MCTP1: variants seen among roughly 807,000 people sequenced by gnomAD.
MCTP1 encodes the protein multiple C2 and transmembrane domain-containing protein 1.
MCTP1 carries 69 observed loss-of-function variants against 120.6 expected under a neutral mutation model. The ratio of observed to expected loss-of-function variants is 0.57; its 90% CI spans 0.47 to 0.70. MCTP1 has a LOEUF of 0.70. MCTP1 is among the 30% of genes least tolerant of loss of function. The probability of loss-of-function intolerance (pLI) is 0.00; values close to 1 mark genes in which losing one functional copy is unlikely to be tolerated. For synonymous variants in MCTP1, 529 were observed against 493.1 expected (o/e 1.07, Z -0.96); for missense variants, 1,203 against 1,248.8 (o/e 0.96, Z 0.55).
At chr5:94,807,391 G>A (rs1782561953) in intron 17 of MCTP1, among the ~76,000 whole-genome samples, 1 of 152,200 alleles carries the variant, frequency 6.6e-6, no homozygotes, top group South Asian at 2.1e-4. Flanking sequence ...TGGCCTTAAA[G>A]AAGAGAGCTG....
chr5:95,124,057 G>A (rs574839519), intron 1 of MCTP1, among the ~76,000 whole-genome samples: 3 of 152,142 alleles, frequency 2.0e-5, no homozygotes, highest in African/African-American at 7.2e-5. Context: ...AGGGTAACAC[G>A]TACACATTTA....
At chr5:95,186,432 G>T (rs1361044260) in intron 1 of MCTP1, among the ~76,000 whole-genome samples, 1 of 151,934 alleles carries the variant, frequency 6.6e-6, no homozygotes, top group Non-Finnish European at 1.5e-5. Flanking sequence ...TCACTTCAAA[G>T]AAAATGAAAT....
At chr5:94,998,750 C>A (rs1833092185) in intron 2 of MCTP1, among the ~76,000 whole-genome samples, 1 of 152,148 alleles carries the variant, frequency 6.6e-6, no homozygotes, top group African/African-American at 2.4e-5. Context: ...GGGCCAAATT[C>A]CACTGCATTT....
chr5:95,125,871 G>A (rs1186659519), intron 1 of MCTP1, among the ~76,000 whole-genome samples: 2 of 152,074 alleles, frequency 1.3e-5, no homozygotes, highest in Non-Finnish European at 2.9e-5. Flanking sequence ...GACCTAATTT[G>A]TACATATCAA....
At chr5:94,837,812 C>T (rs1175082747) in intron 17 of MCTP1, among the ~76,000 whole-genome samples, 1 of 152,126 alleles carries the variant, frequency 6.6e-6, no homozygotes, top group African/African-American at 2.4e-5. Context: ...TACTAAGGCT[C>T]CCAGGTCAGA....
chr5:94,798,959 G>A (rs1439218890), intron 18 of MCTP1, 54 bp downstream of exon 18: 1 of 1,568,304 alleles, frequency 6.4e-7, no homozygotes, highest in African/African-American at 1.4e-5. Context: ...GATCTTGTCA[G>A]AGGGACTCAG....
intron 17 of MCTP1, among the ~76,000 whole-genome samples, chr5:94,864,265 G>A (rs984577725): frequency 4.6e-5 from 7 of 151,866 alleles, no homozygotes; most frequent in South Asian, 2.1e-4. Context: ...CAAACATGCC[G>A]TTTTTGGAAC....
At chr5:94,988,942 A>G (rs192811193) in intron 2 of MCTP1, among the ~76,000 whole-genome samples, 73 of 152,256 alleles carry the variant, frequency 4.8e-4, no homozygotes, top group African/African-American at 1.7e-3. Context: ...TATCATGAGA[A>G]CTGGATGGGG....
chr5:94,794,353 G>T (rs1238599108), intron 18 of MCTP1, among the ~76,000 whole-genome samples: 1 of 152,244 alleles, frequency 6.6e-6, no homozygotes, highest in African/African-American at 2.4e-5. Flanking sequence ...TGAATGGAAG[G>T]TAGCCCTCCT....
At chr5:94,911,975 C>A (rs1488623127) in intron 9 of MCTP1, among the ~76,000 whole-genome samples, 1 of 152,066 alleles carries the variant, frequency 6.6e-6, no homozygotes, top group East Asian at 1.9e-4. Context: ...ATTATTTTAA[C>A]TCTCATTTTT....
intron 1 of MCTP1, among the ~76,000 whole-genome samples, chr5:95,111,547 C>T (rs1757454400): frequency 6.6e-6 from 1 of 152,120 alleles, no homozygotes; most frequent in African/African-American, 2.4e-5. Context: ...CTCACATTCT[C>T]AAACCCAAAA....
chr5:94,892,412 G>A (rs1467940530), intron 11 of MCTP1, among the ~76,000 whole-genome samples: 2 of 152,020 alleles, frequency 1.3e-5, no homozygotes, highest in East Asian at 1.9e-4. Context: ...GGGGAGCAAG[G>A]GTTCAGCATA....
chr5:94,732,656 G>A (rs1763351064), intron 19 of MCTP1, among the ~76,000 whole-genome samples: 1 of 152,118 alleles, frequency 6.6e-6, no homozygotes, highest in Admixed American at 6.5e-5. Flanking sequence ...TACATCATGA[G>A]GGTGGAACTC....
chr5:94,986,103 T>C (rs1333767371), intron 2 of MCTP1, among the ~76,000 whole-genome samples: 1 of 152,188 alleles, frequency 6.6e-6, no homozygotes, highest in Non-Finnish European at 1.5e-5. Flanking sequence ...AAAAAATGCT[T>C]TGCTACTAAA....
At chr5:94,732,621 G>T (rs1015649025) in intron 19 of MCTP1, among the ~76,000 whole-genome samples, 3 of 152,146 alleles carry the variant, frequency 2.0e-5, no homozygotes, top group Non-Finnish European at 4.4e-5. Flanking sequence ...TATGATATTT[G>T]GAGGTGGGGC....
chr5:94,813,119 A>C (rs986016970), intron 17 of MCTP1, among the ~76,000 whole-genome samples: 16 of 152,184 alleles, frequency 1.1e-4, no homozygotes, highest in African/African-American at 3.9e-4. Flanking sequence ...TAGAGTACTT[A>C]ATACGAAGAC....
chr5:95,100,301 T>A (rs1448518562), intron 1 of MCTP1, among the ~76,000 whole-genome samples: 1 of 152,132 alleles, frequency 6.6e-6, no homozygotes, highest in Non-Finnish European at 1.5e-5. Flanking sequence ...AAAAAATATT[T>A]GCTTCATGAT....
At chr5:94,860,364 T>C (rs1795527384) in intron 17 of MCTP1, among the ~76,000 whole-genome samples, 1 of 151,748 alleles carries the variant, frequency 6.6e-6, no homozygotes, top group Non-Finnish European at 1.5e-5. Context: ...TTATCTTACT[T>C]AGTCCAAATT....
chr5:95,218,553 C>T (rs545383493), intron 1 of MCTP1, among the ~76,000 whole-genome samples: 1 of 152,150 alleles, frequency 6.6e-6, no homozygotes, highest in Admixed American at 6.6e-5. Context: ...CAGTTTGGTA[C>T]TAGTAGGCCT....
Sources: allele counts gnomAD v4.1 joint callset (sites outside exome capture counted in the v4.1 genomes callset), GRCh38; gene constraint gnomAD v4.1.1; transcripts MANE v1.5; gene names NCBI Gene and HGNC (gene_info 2026-07-23, HGNC 2026-07-21).